Variants in ANKRD12 observed in about 807,000 individuals in gnomAD.
The protein encoded by ANKRD12 is ankyrin repeat domain 12.
In ANKRD12, 85 loss-of-function variants were observed where a neutral mutation model predicts 183.4. That is an observed-to-expected ratio of 0.46 (90% confidence interval 0.39 to 0.56). The LOEUF (loss-of-function observed/expected upper bound fraction) is 0.56, where lower values mean the gene tolerates loss of function less well. ANKRD12 is among the 20% of genes least tolerant of loss of function. The pLI, the probability that ANKRD12 is intolerant of heterozygous loss-of-function variation, is 0.00. For synonymous variants in ANKRD12, 914 were observed against 800.2 expected, an observed-to-expected ratio of 1.14 and a Z score of -2.40; for missense variants, 2,405 against 2,357.1, an observed-to-expected ratio of 1.02 and a Z score of -0.42.
At chr18:9,279,295 T>A (rs747036916) in intron 11 of ANKRD12, among the ~76,000 whole-genome samples, 5 of 152,220 alleles carry the variant, frequency 3.3e-5, no homozygotes, top group Non-Finnish European at 7.3e-5. Context: ...TTGAGAAATG[T>A]CTTTGACTTA....
chr18:9,201,189 C>G (rs2035144262), intron 3 of ANKRD12, among the ~76,000 whole-genome samples: 2 of 152,180 alleles, frequency 1.3e-5, no homozygotes, highest in Admixed American at 1.3e-4. Context: ...CGTATAATAT[C>G]TGCCCCCATA....
chr18:9,274,177 G>A (rs907931445), intron 10 of ANKRD12, among the ~76,000 whole-genome samples: 6 of 152,236 alleles, frequency 3.9e-5, no homozygotes, highest in Non-Finnish European at 8.8e-5. Flanking sequence ...AGGTAGAAAA[G>A]GGGAGGTCAG....
chr18:9,218,336 T>A (rs1305948110), intron 7 of ANKRD12, among the ~76,000 whole-genome samples: 1 of 152,068 alleles, frequency 6.6e-6, no homozygotes, highest in Non-Finnish European at 1.5e-5. Flanking sequence ...ATAGTAGGAG[T>A]CACCATTGAA....
intron 1 of ANKRD12, among the ~76,000 whole-genome samples, chr18:9,170,595 A>G (rs1010307580): frequency 6.6e-6 from 1 of 151,788 alleles, no homozygotes; most frequent in Non-Finnish European, 1.5e-5. Flanking sequence ...TGGTTATTCT[A>G]GTTATCCATT....
At chr18:9,213,359 ATTTC>A (rs2035913017) in intron 6 of ANKRD12, among the ~76,000 whole-genome samples, 1 of 151,910 alleles carries the variant, frequency 6.6e-6, no homozygotes, top group Non-Finnish European at 1.5e-5. Flanking sequence ...CCTAAAAAAT[ATTTC>A]TTTCATCTGA....
At chr18:9,277,321 C>CTT (rs773999861) in intron 11 of ANKRD12, among the ~76,000 whole-genome samples, 4,179 of 84,614 alleles carry the variant, frequency 0.049, 162 homozygotes, top group Non-Finnish European at 0.064. Context: ...CACCCTGTTT[C>CTT]TTTTTTTTTT....
At chr18:9,273,686 A>G (rs1230747914) in intron 10 of ANKRD12, among the ~76,000 whole-genome samples, 1 of 152,238 alleles carries the variant, frequency 6.6e-6, no homozygotes, top group African/African-American at 2.4e-5. Context: ...GTGAACGTTT[A>G]TAGCAGCATT....
intron 1 of ANKRD12, among the ~76,000 whole-genome samples, chr18:9,143,268 T>G (rs72935248): frequency 6.6e-6 from 1 of 152,196 alleles, no homozygotes; most frequent in African/African-American, 2.4e-5. Context: ...ACTCAAGAAC[T>G]TAAGTTGAAA....
At chr18:9,266,085 G>T (rs567087378) in intron 10 of ANKRD12, among the ~76,000 whole-genome samples, 1 of 152,126 alleles carries the variant, frequency 6.6e-6, no homozygotes, top group Non-Finnish European at 1.5e-5. Context: ...AAAAAGAAAC[G>T]AACAAAGCCT....
At chr18:9,228,288 G>C (rs891800324) in intron 8 of ANKRD12, among the ~76,000 whole-genome samples, 3 of 152,160 alleles carry the variant, frequency 2.0e-5, no homozygotes, top group Admixed American at 6.5e-5. Flanking sequence ...CAATAAACTT[G>C]TAAGTGCAGG....
At chr18:9,188,459 A>G in intron 2 of ANKRD12, among the ~76,000 whole-genome samples, 1 of 152,214 alleles carries the variant, frequency 6.6e-6, no homozygotes, top group Non-Finnish European at 1.5e-5. Flanking sequence ...TCTGCTCGCA[A>G]CATGTGCAAA....
intron 1 of ANKRD12, among the ~76,000 whole-genome samples, chr18:9,144,900 T>G (rs2078443288): frequency 6.6e-6 from 1 of 152,098 alleles, no homozygotes; most frequent in African/African-American, 2.4e-5. Flanking sequence ...ATACATACAT[T>G]ATGTAATAAA....
At position 9,257,742 on chromosome 18, in the gene ANKRD12, G is replaced by A. The variant is rs2038723711; in HGVS notation, c.4475G>A (p.Cys1492Tyr). Residue 1492 changes from cysteine (C) to tyrosine (Y), a missense_variant, in exon 9 of 13, where the codon TGC (cysteine) becomes TAC (tyrosine). Cys to Tyr is a radical substitution (Grantham distance 194). Around this residue, in one of 7 missense-constraint regions of ANKRD12, gnomAD observed 1,983 missense variants for 1,725.9 expected, o/e 1.15. Transcript: ENST00000262126. ...TCCTTTATGCCTCCACAGCAGCCTTGCTCTTTCCCCAGCCAATCACTTTCA... is the reference window on the plus strand; with the variant it reads ...TCCTTTATGCCTCCACAGCAGCCTTACTCTTTCCCCAGCCAATCACTTTCA... The part of the protein sequence containing the change: ...PASFMPPQQP[C>Y]SFPSQSLSDA... 6.2e-7 allele frequency: 1 copy of A among 1,613,868 alleles called. No homozygotes were observed. Among genetic ancestry groups the A allele is most frequent in the African/African-American group, 1.3e-5 (1 of 74,892 alleles).
At chr18:9,160,417 C>G (rs916367763) in intron 1 of ANKRD12, among the ~76,000 whole-genome samples, 3 of 152,102 alleles carry the variant, frequency 2.0e-5, no homozygotes, top group Non-Finnish European at 4.4e-5. Flanking sequence ...CCAGCTTAAA[C>G]TATTTTAAGT....
chr18:9,192,896 A>G (rs1232939726), intron 2 of ANKRD12, among the ~76,000 whole-genome samples: 1 of 151,316 alleles, frequency 6.6e-6, no homozygotes, highest in South Asian at 2.1e-4. Flanking sequence ...GTTGCCCAGG[A>G]TGGTTTCAAA....
chr18:9,221,823 C>G (rs1243918689), intron 7 of ANKRD12, 29 bp from the exon 8 acceptor site: 2 of 1,611,392 alleles, frequency 1.2e-6, no homozygotes, highest in African/African-American at 2.7e-5. Context: ...TGTGAAGGGA[C>G]TAAGTCTTCC....
chr18:9,201,593 T>A lies in ANKRD12; in HGVS notation c.236-2883T>A, dbSNP rs545434372. On this transcript the variant is annotated intron_variant, in intron 3 of 12. Transcript: ENST00000262126. ...GTTTCTCCAAAATAATTATACCTAG[T>A]TAGAAAGCCTCCAGCAGTATATGAA... 4.6e-5 allele frequency among the ~76,000 whole-genome samples: 7 copies of A among 152,328 alleles called. No individual in the cohort carries two copies. In the East Asian group the frequency reaches 1.2e-3, roughly 25 times the overall value.
intron 3 of ANKRD12, among the ~76,000 whole-genome samples, chr18:9,198,529 C>A (rs780557400): frequency 4.0e-5 from 6 of 151,874 alleles, no homozygotes; most frequent in Non-Finnish European, 7.4e-5. Context: ...CTAATTTTTT[C>A]TTTGGGCATT....
intron 1 of ANKRD12, among the ~76,000 whole-genome samples, chr18:9,168,964 C>G (rs1169277905): frequency 6.6e-6 from 1 of 152,050 alleles, no homozygotes; most frequent in East Asian, 1.9e-4. Flanking sequence ...TTTCTGCCTT[C>G]GTTTCATTAT....
Sources: gnomAD v4.1 joint callset for allele counts (sites outside exome capture counted in the v4.1 genomes callset) on GRCh38, gnomAD v4.1.1 for gene constraint, gnomAD v4.1.1 regional missense constraint, MANE v1.5 for transcripts, NCBI Gene and HGNC (gene_info 2026-07-23, HGNC 2026-07-21) for gene names.